The following CIT variants were observed in gnomAD, a reference collection of about 807,000 sequenced individuals.
CIT encodes the protein citron Rho-interacting kinase.
Under a neutral mutation model 272.7 loss-of-function variants are expected in CIT, and 79 were observed. That is an observed-to-expected ratio of 0.29 (90% CI 0.24 to 0.35). The LOEUF is 0.35. CIT is among the 10% of genes least tolerant of loss of function. The pLI, the probability that CIT is intolerant of heterozygous loss-of-function variation, is 1.00. For missense variants in CIT, 1,909 were observed against 2,618.3 expected (o/e 0.73, Z 5.91); for synonymous variants, 948 against 995.6 (o/e 0.95, Z 0.90).
intron 23 of CIT, 153 bp from the exon 24 acceptor site, chr12:119,742,617 C>A: frequency 1.8e-6 from 1 of 557,806 alleles, no homozygotes; most frequent in Non-Finnish European, 3.2e-6. Flanking sequence ...CAAATCATCC[C>A]CAACACCAGA....
chr12:119,708,521 T>C (rs942971880), intron 39 of CIT, among the ~76,000 whole-genome samples: 3 of 152,122 alleles, frequency 2.0e-5, no homozygotes, highest in Non-Finnish European at 2.9e-5. Context: ...AGTCTTGCTC[T>C]GTTGCCCACA....
intron 9 of CIT, among the ~76,000 whole-genome samples, chr12:119,821,875 G>A (rs4767848): frequency 1.7e-4 from 26 of 152,066 alleles, no homozygotes; most frequent in Middle Eastern, 3.4e-3. Context: ...ATGGAAATGC[G>A]ACCTACTTAA....
chr12:119,764,531 G>C (rs1390418235), intron 19 of CIT, among the ~76,000 whole-genome samples: 2 of 151,074 alleles, frequency 1.3e-5, no homozygotes, highest in Non-Finnish European at 2.9e-5. Flanking sequence ...TAGGAGGATT[G>C]CTTAAGCCCA....
intron 10 of CIT, among the ~76,000 whole-genome samples, chr12:119,798,940 A>G (rs1965965710): frequency 6.6e-6 from 1 of 152,228 alleles, no homozygotes; most frequent in African/African-American, 2.4e-5. Context: ...AGTTGTTTCA[A>G]CATAACCTGT....
rs1966434374 is a variant in CIT, at chr12:119,804,061, C to T, written c.1112-672G>A. The T allele has an allele frequency of 1.7e-6, 1 of 588,712 alleles. No individual in the cohort carries two copies. The highest frequency in any genetic ancestry group is 2.1e-6 in the Non-Finnish European group (1 of 467,962). The allele number at this position is 588,712 out of a possible 1,614,324, so 36.5% of individuals were successfully genotyped here. A position where few individuals can be genotyped will look rare whatever the true frequency, so the allele number is the denominator to read the frequency against. ...CCCATCAAATCCACTGCAGTTTAAT[C>T]AGCATAATGAAGCACCAGCCAAATA... On this transcript the variant is annotated intron_variant, in intron 9 of 47. Transcript: ENST00000392521. This position sits in a 1 kb window ranked among gnomAD's most constrained non-coding sequence, Gnocchi z 5.3.
At position 119,772,949 on chromosome 12, in the gene CIT, T is replaced by A; in HGVS notation, c.1942-39A>T. 2.5e-6 allele frequency: 4 copies of A among 1,583,632 alleles called. No homozygotes were observed. In the South Asian group the frequency reaches 4.6e-5, roughly 18 times the overall value. On this transcript the variant is annotated intron_variant, in intron 16 of 47. Coordinates refer to ENST00000392521, the MANE Select transcript of CIT (RefSeq NM_001206999.2). The stretch of plus-strand genomic sequence containing the variant: ...AGGAAAAGGAGATAGGTGGGCAAAT[T>A]TATTCATATAAAAAGATGGTGACAG...
intron 47 of CIT, among the ~76,000 whole-genome samples, chr12:119,689,194 C>CA (rs369581516): frequency 0.045 from 2,999 of 67,138 alleles, 42 homozygotes; most frequent in African/African-American, 0.13. Flanking sequence ...CAAAACAAAA[C>CA]AAACAAACAA....
chr12:119,861,561 TG>T (rs1174047196), intron 3 of CIT, among the ~76,000 whole-genome samples: 1 of 149,698 alleles, frequency 6.7e-6, no homozygotes. Flanking sequence ...CACTCCAACC[TG>T]GGCAACAAGA....
intron 13 of CIT, among the ~76,000 whole-genome samples, chr12:119,780,356 T>C (rs79225782): frequency 7.2e-5 from 11 of 152,236 alleles, no homozygotes; most frequent in East Asian, 3.9e-4. Context: ...CAGTGGCTCA[T>C]GCCTGTAATC....
chr12:119,857,457 T>C (rs1259883455), intron 4 of CIT, 66 bp downstream of exon 4: 1 of 1,517,510 alleles, frequency 6.6e-7, no homozygotes, highest in South Asian at 1.2e-5. Flanking sequence ...GTGCAGCAGA[T>C]TATCGTCTTT....
chr12:119,776,675 C>T lies in CIT; in HGVS notation c.1833G>A (p.Leu611=). The change falls in exon 14 of 48, where the codon TTG becomes TTA. Residue 611 remains leucine (L), a synonymous_variant. Transcript: ENST00000392521. Reference sequence around the variant, plus strand: ...CTCCTGGAGGGTGGCTGACTACCTTCAACAGTTTATGCTGACATTCTGTCG... The same window carrying T: ...CTCCTGGAGGGTGGCTGACTACCTTTAACAGTTTATGCTGACATTCTGTCG... ...RKATECQHKL[L]KAKDQGKPEV... is the part of the protein sequence containing the mutation. 2 of 1,613,534 alleles carry T rather than the reference C, an allele frequency of 1.2e-6. No individual in the cohort carries two copies. The highest frequency in any genetic ancestry group is 8.5e-7 in the Non-Finnish European group (1 of 1,179,890).
chr12:119,824,358 C>A (rs911486793), intron 8 of CIT, among the ~76,000 whole-genome samples: 1 of 152,062 alleles, frequency 6.6e-6, no homozygotes, highest in Non-Finnish European at 1.5e-5. Flanking sequence ...ACTTACCTCA[C>A]AAGGTTGTTT....
At chr12:119,783,280 C>T (rs888964316) in intron 12 of CIT, 20 of 152,152 alleles carry the variant, frequency 1.3e-4, no homozygotes, top group African/African-American at 4.8e-4. Context: ...ATTTCCTCTC[C>T]CTTGTGAAAA....
intron 4 of CIT, among the ~76,000 whole-genome samples, chr12:119,850,498 G>GAAGAAA (rs528086391): frequency 6.7e-4 from 101 of 150,692 alleles, no homozygotes; most frequent in African/African-American, 2.4e-3. Flanking sequence ...AAGGGAAAGG[G>GAAGAAA]AAGAAAAGGG....
In CIT at chr12:119,713,776, G is replaced by A. The variant is rs184199114; in HGVS notation, c.4307-128C>T. On this transcript the variant is annotated intron_variant, in intron 33 of 47. Transcript: ENST00000392521. This position sits in a 1 kb window ranked among gnomAD's most constrained non-coding sequence, Gnocchi z 5.2. ...CAGAGAGTCTGGCCCTGGCTTGCAGGTAGTCTCCTGAGCTTCCCCTGGTGC... is the reference window on the plus strand; with the variant it reads ...CAGAGAGTCTGGCCCTGGCTTGCAGATAGTCTCCTGAGCTTCCCCTGGTGC... The A allele has an allele frequency of 9.2e-4, 893 of 973,862 alleles. 5 individuals carry two copies. The African/African-American group carries it at 0.012, about 14-fold the overall frequency. 60.3% of individuals were successfully genotyped at this position (973,862 alleles called of 1,614,324 possible).
At chr12:119,786,060 TTTC>T (rs1300743653) in intron 10 of CIT, among the ~76,000 whole-genome samples, 48 of 152,326 alleles carry the variant, frequency 3.2e-4, no homozygotes, top group Non-Finnish European at 3.2e-4. Context: ...TTTGTTTTTT[TTTC>T]TTTTTTCCTT....
rs1413200881 is a variant in CIT, at chr12:119,700,287, C to T, written c.5623+458G>A. 3.9e-5 allele frequency among the ~76,000 whole-genome samples: 6 copies of T among 152,324 alleles called. 1 individual carries two copies. In the South Asian group the frequency reaches 8.3e-4, roughly 21 times the overall value. On this transcript the variant is annotated intron_variant, in intron 44 of 47. Transcript: ENST00000392521. ...CAGAATCTTTCCATGAACAGTTCTC[C>T]GGGTGACTGTTACACATGGCACTTG...
intron 28 of CIT, among the ~76,000 whole-genome samples, chr12:119,722,039 T>C (rs1957834415): frequency 6.6e-6 from 1 of 152,208 alleles, no homozygotes; most frequent in South Asian, 2.1e-4. Context: ...ATCCCAGTTA[T>C]AGTACAGAGT....
intron 5 of CIT, among the ~76,000 whole-genome samples, chr12:119,837,205 C>T (rs113102373): frequency 2.0e-5 from 3 of 152,292 alleles, no homozygotes; most frequent in African/African-American, 4.8e-5. Context: ...AGAATGTAAG[C>T]CAGACATTTA....
Sources: gnomAD v4.1 joint callset for allele counts (sites outside exome capture counted in the v4.1 genomes callset) on GRCh38, gnomAD v4.1.1 for gene constraint, Gnocchi (gnomAD v3.1) non-coding constraint, MANE v1.5 for transcripts, NCBI Gene and HGNC (gene_info 2026-07-23, HGNC 2026-07-21) for gene names.